Variants in GGNBP2 observed in about 807,000 individuals in gnomAD.
The protein encoded by GGNBP2 is gametogenetin-binding protein 2.
Under a neutral mutation model 85.9 loss-of-function variants are expected in GGNBP2, and 10 were observed. The observed-to-expected ratio is 0.12, with a 90% CI of 0.07 to 0.20. The LOEUF (loss-of-function observed/expected upper bound fraction) is 0.20. GGNBP2 is among the 10% of genes least tolerant of loss of function. GGNBP2 has a pLI of 1.00. For synonymous variants in GGNBP2, 287 were observed against 285.7 expected (o/e 1.00, Z -0.05); for missense variants, 595 against 857.8 (o/e 0.69, Z 3.83).
At chr17:36,563,427 A>G (rs1250331248) in intron 5 of GGNBP2, among the ~76,000 whole-genome samples, 3 of 152,086 alleles carry the variant, frequency 2.0e-5, no homozygotes, top group South Asian at 4.1e-4. Context: ...TTTTCTTTGT[A>G]TTTTAAAGCA....
At chr17:36,571,697 G>A (rs1555606852) in intron 6 of GGNBP2, among the ~76,000 whole-genome samples, 1 of 152,076 alleles carries the variant, frequency 6.6e-6, no homozygotes, top group Non-Finnish European at 1.5e-5. Context: ...AAAAAATTTA[G>A]CCGGGCTTGA....
chr17:36,557,872 G>A (rs976547034), intron 4 of GGNBP2, among the ~76,000 whole-genome samples: 1 of 152,076 alleles, frequency 6.6e-6, no homozygotes, highest in Non-Finnish European at 1.5e-5. Context: ...CCAGCACTTT[G>A]GGAGGCCAAG....
chr17:36,546,575 C>T (rs1422389626), intron 2 of GGNBP2: 3 of 152,134 alleles, frequency 2.0e-5, no homozygotes, highest in African/African-American at 7.2e-5. Context: ...CATTATCGAC[C>T]CTCTGCCCTA....
chr17:36,585,545 T>C, intron 10 of GGNBP2, 95 bp downstream of exon 10: 2 of 847,296 alleles, frequency 2.4e-6, no homozygotes, highest in Non-Finnish European at 3.7e-6. Context: ...AGCTAGAATT[T>C]TAAAACTGCT....
Position 36,549,395 on chromosome 17 carries a change from G to T in GGNBP2, c.93+3578G>T, listed in dbSNP as rs143316678. On this transcript the variant is annotated intron_variant, in intron 2 of 13. Transcript: ENST00000613102. ...TTTTTTTGTATTTTTAGAAGAGATG[G>T]GGGTTTCCCTATGTTGGCCAGGCTG... 1.5e-3 allele frequency among the ~76,000 whole-genome samples: 228 copies of T among 152,200 alleles called. 1 individual carries two copies. The highest frequency in any genetic ancestry group is 5.0e-3 in the African/African-American group (209 of 41,530).
At chr17:36,569,856 A>T (rs1193386075) in intron 6 of GGNBP2, among the ~76,000 whole-genome samples, 1 of 152,182 alleles carries the variant, frequency 6.6e-6, no homozygotes, top group Non-Finnish European at 1.5e-5. Context: ...GGAGTTTCTT[A>T]TAATGGTTTT....
At chr17:36,579,061 A>G (rs2074619062) in intron 7 of GGNBP2, 184 bp from the exon 8 acceptor site, 1 of 559,946 alleles carries the variant, frequency 1.8e-6, no homozygotes, top group Admixed American at 3.2e-5. Context: ...TTCTACTTGC[A>G]TGTGTATTTC....
At chr17:36,556,557 A>G (rs945504468) in intron 3 of GGNBP2, among the ~76,000 whole-genome samples, 1 of 151,996 alleles carries the variant, frequency 6.6e-6, no homozygotes, top group African/African-American at 2.4e-5. Flanking sequence ...TACTAAAATT[A>G]GCCGGGCGTG....
chr17:36,567,644 A>T lies in GGNBP2; in HGVS notation c.528-19A>T, dbSNP rs746346300. On this transcript the variant is annotated intron_variant, in intron 5 of 13. Transcript: ENST00000613102. ...CCTTCTGTATTCTCCCTTTTCACTA[A>T]TATTTGTTCTTTCTACAGAGGTTGT... The T allele has an allele frequency of 2.2e-5, 28 of 1,282,036 alleles. No individual in the cohort carries two copies. Among genetic ancestry groups the T allele is most frequent in the Non-Finnish European group, 3.2e-5 (28 of 887,298 alleles). The allele number at this position is 1,282,036 out of a possible 1,614,324, so 79.4% of individuals were successfully genotyped here. A position where few individuals can be genotyped will look rare whatever the true frequency, so the allele number is the denominator to read the frequency against.
At chr17:36,570,660 G>A (rs1215974162) in intron 6 of GGNBP2, among the ~76,000 whole-genome samples, 2 of 152,038 alleles carry the variant, frequency 1.3e-5, no homozygotes, top group Admixed American at 6.6e-5. Context: ...CTGAGATCGC[G>A]CCATTGCGCT....
At chr17:36,573,741 C>T (rs1465069120) in intron 6 of GGNBP2, among the ~76,000 whole-genome samples, 1 of 152,070 alleles carries the variant, frequency 6.6e-6, no homozygotes, top group Non-Finnish European at 1.5e-5. Context: ...AAGGTGATAT[C>T]TCATTGTGTT....
At chr17:36,555,033 G>T in intron 3 of GGNBP2, 133 bp downstream of exon 3, 2 of 583,354 alleles carry the variant, frequency 3.4e-6, no homozygotes, top group Non-Finnish European at 6.2e-6. Context: ...TTTCACCATT[G>T]CTATAGTAAG....
chr17:36,548,287 C>T (rs767697694), intron 2 of GGNBP2, among the ~76,000 whole-genome samples: 4 of 152,078 alleles, frequency 2.6e-5, no homozygotes, highest in Non-Finnish European at 5.9e-5. Context: ...GTAATTTGGA[C>T]TTGTAAAATG....
intron 2 of GGNBP2, among the ~76,000 whole-genome samples, chr17:36,551,176 T>G (rs1321814884): frequency 6.6e-6 from 1 of 152,016 alleles, no homozygotes; most frequent in Non-Finnish European, 1.5e-5. Flanking sequence ...GGAAACAAGT[T>G]TTGTTTTTAA....
rs1351000115 is a variant in GGNBP2, at chr17:36,587,052, A to G, written c.1697A>G (p.Asn566Ser). The change falls in exon 13 of 14, where the codon AAT (asparagine) becomes AGT (serine). Residue 566 changes from asparagine (N) to serine (S), a missense_variant. Around this residue, in one of 9 missense-constraint regions of GGNBP2, gnomAD observed 120 missense variants for 126.3 expected, o/e 0.95. Transcript: ENST00000613102. ...CCAGGTAATCGAGAGACCTCAGGAAATACCATGCACACAGTGTTTCACCGT... is the reference window on the plus strand; with the variant it reads ...CCAGGTAATCGAGAGACCTCAGGAAGTACCATGCACACAGTGTTTCACCGT... Reference protein sequence around the residue: ...TDPGNRETSGNTMHTVFHRDK... With the variant: ...TDPGNRETSGSTMHTVFHRDK... 6.8e-6 allele frequency: 11 copies of G among 1,613,966 alleles called. No individual in the cohort carries two copies. In the South Asian group the frequency reaches 1.2e-4, roughly 18 times the overall value.
In GGNBP2 at chr17:36,554,177, T is replaced by C. The variant is rs2074337444; in HGVS notation, c.94-643T>C. Among the ~76,000 whole-genome samples, 6 of 151,348 alleles carry C rather than the reference T, an allele frequency of 4.0e-5. No individual in the cohort carries two copies. The South Asian group carries it at 1.3e-3, about 32-fold the overall frequency. On this transcript the variant is annotated intron_variant, in intron 2 of 13. Coordinates refer to ENST00000613102, the MANE Select transcript of GGNBP2 (RefSeq NM_024835.5). ...TACAAAAATTAGCTGGGCTTGGTGG[T>C]GGGTTCCTGTAATCCCAGCTACTCG...
chr17:36,583,277 C>G (rs1013610000), intron 9 of GGNBP2, among the ~76,000 whole-genome samples: 6 of 151,894 alleles, frequency 4.0e-5, no homozygotes, highest in African/African-American at 1.5e-4. Flanking sequence ...TGGCCTCGAT[C>G]TCTTGACCTC....
intron 7 of GGNBP2, 40 bp downstream of exon 7, chr17:36,578,226 T>G (rs1229944115): frequency 7.0e-7 from 1 of 1,423,766 alleles, no homozygotes; most frequent in Non-Finnish European, 9.7e-7. Flanking sequence ...TATCTAGCGC[T>G]TTGCTTCATT....
intron 1 of GGNBP2, 200 bp from the exon 2 acceptor site, chr17:36,545,419 G>A (rs1420456286): frequency 2.9e-6 from 1 of 347,944 alleles, no homozygotes; most frequent in East Asian, 4.5e-5. Context: ...GGGCGGGCGG[G>A]CGGGAGAGAG....
Sources: allele counts gnomAD v4.1 joint callset (sites outside exome capture counted in the v4.1 genomes callset), GRCh38; gene constraint gnomAD v4.1.1; regional missense constraint gnomAD v4.1.1; transcripts MANE v1.5; gene names NCBI Gene and HGNC (gene_info 2026-07-23, HGNC 2026-07-21).